SMARCAL1: variants seen among roughly 807,000 people sequenced by gnomAD.
SMARCAL1 encodes SNF2 related chromatin remodeling annealing helicase 1, also known as ATP-driven annealing helicase.
A neutral mutation model predicts 94.5 loss-of-function variants in SMARCAL1; 58 were observed. The ratio of observed to expected loss-of-function variants is 0.61; its 90% confidence interval spans 0.50 to 0.76. The LOEUF (loss-of-function observed/expected upper bound fraction) is 0.76. Among genes scored for constraint, SMARCAL1 ranks in the 30% least tolerant of loss-of-function variants. SMARCAL1 has a pLI of 0.00. For synonymous variants in SMARCAL1, 422 were observed against 455.1 expected (o/e 0.93, Z 0.93); for missense variants, 1,051 against 1,177.9 (o/e 0.89, Z 1.58).
intron 6 of SMARCAL1, chr2:216,427,563 T>G (rs1159161981): frequency 6.6e-6 from 1 of 152,242 alleles, no homozygotes; most frequent in African/African-American, 2.4e-5. Flanking sequence ...TTTGGAGGTA[T>G]AAAATGTATT....
chr2:216,451,180 C>G (rs958014758), intron 12 of SMARCAL1, 116 bp downstream of exon 12: 41 of 861,228 alleles, frequency 4.8e-5, no homozygotes, highest in Non-Finnish European at 7.1e-5. Flanking sequence ...TAACCTTTTC[C>G]CTCTTCCCTA....
At chr2:216,447,198 A>T in intron 11 of SMARCAL1, 40 bp downstream of exon 11, 1 of 1,598,690 alleles carries the variant, frequency 6.3e-7, no homozygotes, top group Non-Finnish European at 8.5e-7. Context: ...CCCATTTCTC[A>T]CCCTGATTTT....
At chr2:216,466,763 C>CT (rs1694838195) in intron 13 of SMARCAL1, among the ~76,000 whole-genome samples, 2 of 152,120 alleles carry the variant, frequency 1.3e-5, no homozygotes, top group African/African-American at 4.8e-5. Flanking sequence ...TAGCCGTAAA[C>CT]TTTTTTGCTT....
chr2:216,426,342 C>T (rs1693834094), intron 6 of SMARCAL1, among the ~76,000 whole-genome samples: 3 of 152,216 alleles, frequency 2.0e-5, no homozygotes, highest in Admixed American at 2.0e-4. Context: ...ACTTGTGACT[C>T]ACATAGCATT....
chr2:216,435,303 G>T (rs762717437), intron 8 of SMARCAL1, 35 bp from the exon 9 acceptor site: 1 of 1,613,092 alleles, frequency 6.2e-7, no homozygotes, highest in Non-Finnish European at 8.5e-7. Flanking sequence ...GTGCTGGGTG[G>T]TCATTGTAGC....
chr2:216,420,502 CT>C lies in SMARCAL1; in HGVS notation c.1071del (p.Phe357LeufsTer26). 6.2e-7 allele frequency: 1 copy of C among 1,614,084 alleles called. No homozygotes were observed. The highest frequency in any genetic ancestry group is 8.5e-7 in the Non-Finnish European group (1 of 1,179,916). On this transcript the variant is annotated frameshift_variant, in exon 5 of 18. Coordinates refer to ENST00000357276, the MANE Select transcript of SMARCAL1 (RefSeq NM_014140.4). LOFTEE classifies it high-confidence loss of function. ...DISYSQDLIA[L>X]FKQMDSRRYD... ...CAGTTATTCACAGGACCTTATTGCG[CT>C]TTTTAAACAGATGGATTCCAGAAGA... is the stretch of plus-strand genomic sequence containing the variant.
chr2:216,455,092 C>T (rs1055439812), intron 12 of SMARCAL1, among the ~76,000 whole-genome samples: 2 of 152,258 alleles, frequency 1.3e-5, no homozygotes, highest in African/African-American at 4.8e-5. Context: ...CCCACGGAGG[C>T]TCGCTCATTG....
At chr2:216,469,180 T>C (rs1694902948) in intron 14 of SMARCAL1, among the ~76,000 whole-genome samples, 1 of 152,134 alleles carries the variant, frequency 6.6e-6, no homozygotes, top group Non-Finnish European at 1.5e-5. Flanking sequence ...AAGCAATTTA[T>C]CGTCTCCTTT....
chr2:216,435,769 C>T (rs1479852417), intron 9 of SMARCAL1, among the ~76,000 whole-genome samples: 8 of 152,084 alleles, frequency 5.3e-5, no homozygotes, highest in Non-Finnish European at 1.2e-4. Context: ...ATCTCTTTCC[C>T]AGCGTGACTC....
At chr2:216,426,874 A>G (rs915404319) in intron 6 of SMARCAL1, among the ~76,000 whole-genome samples, 1 of 152,198 alleles carries the variant, frequency 6.6e-6, no homozygotes, top group Non-Finnish European at 1.5e-5. Flanking sequence ...GAGTTAGTGA[A>G]CGTGTGCATA....
At chr2:216,419,298 C>G (rs1363176410) in intron 4 of SMARCAL1, among the ~76,000 whole-genome samples, 1 of 152,192 alleles carries the variant, frequency 6.6e-6, no homozygotes, top group Admixed American at 6.5e-5. Context: ...AACATTTCTT[C>G]AAATGTTTCT....
At chr2:216,456,835 C>T (rs1432034460) in intron 12 of SMARCAL1, among the ~76,000 whole-genome samples, 1 of 152,178 alleles carries the variant, frequency 6.6e-6, no homozygotes, top group Non-Finnish European at 1.5e-5. Context: ...ATCAAATTCA[C>T]ACATAACAAT....
chr2:216,475,859 A>C lies in SMARCAL1; in HGVS notation c.2427+408A>C, dbSNP rs1695064605. 6.6e-6 allele frequency among the ~76,000 whole-genome samples: 1 copy of C among 152,134 alleles called. No homozygotes were observed. Among genetic ancestry groups the C allele is most frequent in the South Asian group, 2.1e-4 (1 of 4,818 alleles). On this transcript the variant is annotated intron_variant, in intron 15 of 17. Coordinates refer to ENST00000357276, the MANE Select transcript of SMARCAL1 (RefSeq NM_014140.4). The surrounding 1 kb of genome is among the most constrained non-coding windows in gnomAD (Gnocchi z 4.4). Reference sequence around the variant, plus strand: ...ATCAACGGGAAGGTTGAAGTCTTCCAGGGCTAGAAGGAATCTTGACTTCAT... The same window carrying C: ...ATCAACGGGAAGGTTGAAGTCTTCCCGGGCTAGAAGGAATCTTGACTTCAT...
At chr2:216,481,540 G>C (rs895017134) in intron 17 of SMARCAL1, among the ~76,000 whole-genome samples, 1 of 151,268 alleles carries the variant, frequency 6.6e-6, no homozygotes, top group African/African-American at 2.4e-5. Context: ...GTCTCACTCT[G>C]TCACCCAGGC....
At chr2:216,419,411 GT>G (rs1293723567) in intron 4 of SMARCAL1, among the ~76,000 whole-genome samples, 2 of 151,962 alleles carry the variant, frequency 1.3e-5, no homozygotes, top group Non-Finnish European at 2.9e-5. Flanking sequence ...TTTACTCAGG[GT>G]TTTTTTCCTT....
intron 10 of SMARCAL1, among the ~76,000 whole-genome samples, chr2:216,445,229 G>T (rs1694283061): frequency 6.6e-6 from 1 of 152,206 alleles, no homozygotes; most frequent in Non-Finnish European, 1.5e-5. Flanking sequence ...AAGCCCTTGT[G>T]GGTGATCGTG....
chr2:216,479,923 A>G (rs1437724562), intron 17 of SMARCAL1, among the ~76,000 whole-genome samples: 2 of 152,140 alleles, frequency 1.3e-5, no homozygotes, highest in African/African-American at 4.8e-5. Context: ...ATGATGGCAC[A>G]TGCCTGTATT....
chr2:216,425,539 G>C (rs1443145460), intron 6 of SMARCAL1, among the ~76,000 whole-genome samples: 1 of 152,202 alleles, frequency 6.6e-6, no homozygotes, highest in Admixed American at 6.5e-5. Flanking sequence ...GCATGTCACT[G>C]CCTGCAGCTT....
At position 216,482,097 on chromosome 2, in the gene SMARCAL1, G is replaced by A. The variant is rs1695213392; in HGVS notation, c.2626-641G>A. ...ATCTACTTATGAATATGTTAAATGT[G>A]TGTATGTTTTTTCAACTACTTTGAA... On this transcript the variant is annotated intron_variant, in intron 17 of 17. Transcript: ENST00000357276. This position sits in a 1 kb window ranked among gnomAD's most constrained non-coding sequence, Gnocchi z 4.3. Among the ~76,000 whole-genome samples, 1 of 152,142 alleles carries A rather than the reference G, an allele frequency of 6.6e-6. No individual in the cohort carries two copies. Among genetic ancestry groups the A allele is most frequent in the Non-Finnish European group, 1.5e-5 (1 of 68,030 alleles).
Sources: gnomAD v4.1 joint callset for allele counts (sites outside exome capture counted in the v4.1 genomes callset) on GRCh38, gnomAD v4.1.1 for gene constraint, Gnocchi (gnomAD v3.1) non-coding constraint, MANE v1.5 for transcripts, NCBI Gene and HGNC (gene_info 2026-07-23, HGNC 2026-07-21) for gene names.